The following KLRK1 variants were observed in gnomAD, a reference collection of about 807,000 sequenced individuals.
KLRK1 encodes the protein NKG2-D type II integral membrane protein.
In KLRK1, 40 loss-of-function variants were observed where a neutral mutation model predicts 31.3. That is an observed-to-expected ratio of 1.28 (90% CI 0.99 to 1.67). The LOEUF (loss-of-function observed/expected upper bound fraction) is 1.67. Among genes scored for constraint, KLRK1 ranks in the 40% most tolerant of loss-of-function variants. The pLI is 0.00. For missense variants in KLRK1, 251 were observed against 260.0 expected (o/e 0.97, Z 0.24); for synonymous variants, 77 against 77.3 (o/e 1.00, Z 0.02).
rs977168270 is a variant in KLRK1 at position 10,382,757 on chromosome 12, C to A, written c.149-2965G>T. 5.3e-5 allele frequency among the ~76,000 whole-genome samples: 8 copies of A among 152,108 alleles called. No homozygotes were observed. In the East Asian group the frequency reaches 1.3e-3, roughly 26 times the overall value. On this transcript the variant is annotated intron_variant, in intron 3 of 7. Transcript: ENST00000240618. The stretch of plus-strand genomic sequence containing the variant: ...ATCTTATGAAGACCAAAAGACAACT[C>A]TATCAAAATAATAGTAATTACAATT...
Position 10,389,370 on chromosome 12 carries a change from TATC to T in KLRK1, c.-65-498_-65-496del, listed in dbSNP as rs539016743. The stretch of plus-strand genomic sequence containing the variant: ...GCCCATATCATCATCATCAACAAAT[TATC>T]ATCACCATCATCATTAACAAAACTA... On this transcript the variant is annotated intron_variant, in intron 1 of 7. Coordinates refer to ENST00000240618, the MANE Select transcript of KLRK1 (RefSeq NM_007360.4). Among the ~76,000 whole-genome samples the T allele has an allele frequency of 2.1e-4, 32 of 152,326 alleles. No homozygotes were observed. The South Asian group carries it at 6.0e-3, about 29-fold the overall frequency.
rs1282140963 is a variant in KLRK1, at chr12:10,378,537, T to C, written c.429+17A>G. 1 of 1,607,892 alleles carries C rather than the reference T, an allele frequency of 6.2e-7. No individual in the cohort carries two copies. On this transcript the variant is annotated intron_variant, in intron 6 of 7. Transcript: ENST00000240618. Reference sequence around the variant, plus strand: ...TAGGATTAAATACAGGATGGGAAATTAAAATAAATACTCAACCTGGTCCTC... The same window carrying C: ...TAGGATTAAATACAGGATGGGAAATCAAAATAAATACTCAACCTGGTCCTC...
At chr12:10,385,372 AC>A (rs1863149194) in intron 3 of KLRK1, among the ~76,000 whole-genome samples, 1 of 125,988 alleles carries the variant, frequency 7.9e-6, no homozygotes, top group African/African-American at 3.5e-5. Context: ...ACACAGACAC[AC>A]ACACACACAC....
chr12:10,379,450 T>C lies in KLRK1; in HGVS notation c.274A>G (p.Thr92Ala). 6.8e-7 allele frequency: 1 copy of C among 1,461,444 alleles called. No individual in the cohort carries two copies. Among genetic ancestry groups the C allele is most frequent in the Non-Finnish European group, 9.4e-7 (1 of 1,063,642 alleles). 90.5% of individuals were successfully genotyped at this position (1,461,444 alleles called of 1,614,324 possible). A position where few individuals can be genotyped will look rare whatever the true frequency, so the allele number is the denominator to read the frequency against. The change falls in exon 5 of 8, where the codon ACC becomes GCC. Residue 92 changes from threonine to alanine, a missense_variant. Transcript: ENST00000240618. ...LFNQEVQIPL[T>A]ESYCGPCPKN... ...AATATTTTAAAAATTCACTTACCGGTCAAGGGAATTTGAACTTCTTGGTTG... is the reference window on the plus strand; with the variant it reads ...AATATTTTAAAAATTCACTTACCGGCCAAGGGAATTTGAACTTCTTGGTTG...
In KLRK1 at chr12:10,379,451, C is replaced by A; in HGVS notation, c.273G>T (p.Leu91Phe). Residue 91 changes from leucine to phenylalanine, a missense_variant, in exon 5 of 8, where the codon TTG becomes TTT. Coordinates refer to ENST00000240618, the MANE Select transcript of KLRK1 (RefSeq NM_007360.4). ...ATATTTTAAAAATTCACTTACCGGT[C>A]AAGGGAATTTGAACTTCTTGGTTGA... ...SLFNQEVQIPLTESYCGPCPK... is the reference protein window; with the variant it reads ...SLFNQEVQIPFTESYCGPCPK... 1 of 1,460,136 alleles carries A rather than the reference C, an allele frequency of 6.8e-7. No individual in the cohort carries two copies. The highest frequency in any genetic ancestry group is 1.3e-5 in the South Asian group (1 of 78,276). 90.4% of individuals were successfully genotyped at this position (1,460,136 alleles called of 1,614,324 possible).
At chr12:10,375,865 G>C (rs1427213459) in intron 7 of KLRK1, among the ~76,000 whole-genome samples, 2 of 152,120 alleles carry the variant, frequency 1.3e-5, no homozygotes, top group Non-Finnish European at 2.9e-5. Flanking sequence ...ACTTAGTCTG[G>C]GTGTGCTGAA....
At chr12:10,379,551 T>C in intron 4 of KLRK1, 69 bp from the exon 5 acceptor site, 1 of 1,312,620 alleles carries the variant, frequency 7.6e-7, no homozygotes, top group Non-Finnish European at 1.0e-6. Context: ...AAATATAGTT[T>C]ACAAATTTCT....
intron 3 of KLRK1, chr12:10,382,318 G>A (rs1301710679): frequency 6.6e-6 from 1 of 152,180 alleles, no homozygotes; most frequent in Admixed American, 6.5e-5. Flanking sequence ...CAAAGCTCCA[G>A]ACAAAGTGAG....
chr12:10,388,717 G>A, intron 2 of KLRK1, 54 bp downstream of exon 2: 2 of 1,607,662 alleles, frequency 1.2e-6, no homozygotes, highest in Admixed American at 1.7e-5. Flanking sequence ...GAAATTCTTG[G>A]TATCTTAAAA....
At chr12:10,385,178 G>A (rs1278920919) in intron 3 of KLRK1, among the ~76,000 whole-genome samples, 1 of 151,880 alleles carries the variant, frequency 6.6e-6, no homozygotes, top group African/African-American at 2.4e-5. Flanking sequence ...GAAACAGTAT[G>A]GAGGTCCCTT....
Position 10,373,026 on chromosome 12 carries a change from G to A in KLRK1, c.*88C>T. ...TCTTTGGTCATTTTGTCCTGTTTTT[G>A]TTTGTTTCCTTTAGTCTCAGTTGGC... On this transcript the variant is annotated 3_prime_UTR_variant, in exon 8 of 8. Transcript: ENST00000240618. 4.2e-6 allele frequency: 5 copies of A among 1,192,644 alleles called. No individual in the cohort carries two copies. Among genetic ancestry groups the A allele is most frequent in the Non-Finnish European group, 6.1e-6 (5 of 824,744 alleles). 73.9% of individuals were successfully genotyped at this position (1,192,644 alleles called of 1,614,324 possible). A position where few individuals can be genotyped will look rare whatever the true frequency, so the allele number is the denominator to read the frequency against.
At chr12:10,376,485 A>G (rs1862968880) in intron 7 of KLRK1, among the ~76,000 whole-genome samples, 1 of 152,190 alleles carries the variant, frequency 6.6e-6, no homozygotes, top group South Asian at 2.1e-4. Flanking sequence ...TTTTAACTGA[A>G]TGGAAACAAA....
At chr12:10,381,352 C>T (rs928554326) in intron 3 of KLRK1, among the ~76,000 whole-genome samples, 1 of 152,028 alleles carries the variant, frequency 6.6e-6, no homozygotes, top group Non-Finnish European at 1.5e-5. Flanking sequence ...CAAGCAAAAA[C>T]TGAGGGAATT....
chr12:10,374,291 G>A (rs1220585254), intron 7 of KLRK1, among the ~76,000 whole-genome samples: 1 of 152,084 alleles, frequency 6.6e-6, no homozygotes, highest in Non-Finnish European at 1.5e-5. Flanking sequence ...GGGATTACAG[G>A]TGTGAGCCAC....
chr12:10,380,135 G>C (rs1201545954), intron 3 of KLRK1, among the ~76,000 whole-genome samples: 3 of 137,048 alleles, frequency 2.2e-5, no homozygotes, highest in Admixed American at 8.2e-5. Flanking sequence ...GCGCGATCTC[G>C]GCTCACTGCA....
chr12:10,373,739 G>A (rs1366043621), intron 7 of KLRK1, among the ~76,000 whole-genome samples: 1 of 109,856 alleles, frequency 9.1e-6, no homozygotes, highest in Non-Finnish European at 2.3e-5. Context: ...CATTCCATGT[G>A]GAGATTTCTA....
intron 3 of KLRK1, among the ~76,000 whole-genome samples, chr12:10,384,032 C>T (rs113302114): frequency 2.0e-5 from 3 of 151,738 alleles, no homozygotes; most frequent in African/African-American, 7.2e-5. Flanking sequence ...AATAAAATAC[C>T]CTGGAATAAA....
At position 10,379,808 on chromosome 12, in the gene KLRK1, GAC is replaced by G. The variant is rs749894787; in HGVS notation, c.149-18_149-17del. The G allele has an allele frequency of 2.0e-5, 32 of 1,607,298 alleles. No individual in the cohort carries two copies. In the East Asian group the frequency reaches 7.2e-4, roughly 36 times the overall value. ...AATGGAGATGCTGTCAAAGAAAAAA[GAC>G]ACAGATCAGAGAAAGAAGCATAAAA... On this transcript the variant is annotated splice_polypyrimidine_tract_variant and intron_variant, in intron 3 of 7. Coordinates refer to ENST00000240618, the MANE Select transcript of KLRK1 (RefSeq NM_007360.4).
chr12:10,375,495 C>G (rs1204523288), intron 7 of KLRK1, among the ~76,000 whole-genome samples: 1 of 152,168 alleles, frequency 6.6e-6, no homozygotes, highest in Non-Finnish European at 1.5e-5. Flanking sequence ...CTGTGTCTGA[C>G]AGACAGGAAG....
Sources: allele counts gnomAD v4.1 joint callset (sites outside exome capture counted in the v4.1 genomes callset), GRCh38; gene constraint gnomAD v4.1.1; transcripts MANE v1.5; gene names NCBI Gene and HGNC (gene_info 2026-07-23, HGNC 2026-07-21).